The following ZNF695 variants were observed in gnomAD, a reference collection of about 807,000 sequenced individuals.
ZNF695 encodes zinc finger protein 695.
In ZNF695, 11 loss-of-function variants were observed where a neutral mutation model predicts 11.2. The observed-to-expected ratio is 0.98, with a 90% CI of 0.62 to 1.62. The LOEUF (loss-of-function observed/expected upper bound fraction) is 1.62, where lower values mean the gene tolerates loss of function less well. Ranked by LOEUF, ZNF695 falls within the 40% of genes most tolerant of loss-of-function variation. The pLI is 0.00. For synonymous variants in ZNF695, 190 were observed against 201.4 expected (o/e 0.94, Z 0.48); for missense variants, 559 against 590.5 (o/e 0.95, Z 0.55).
In ZNF695 at chr1:246,985,620, A is replaced by G. The variant is rs767884810; in HGVS notation, c.*1347T>C. 2.8e-4 allele frequency: 280 copies of G among 985,124 alleles called. No homozygotes were observed. The highest frequency in any genetic ancestry group is 6.2e-4 in the Admixed American group (10 of 16,246). The allele number at this position is 985,124 out of a possible 1,614,324, so 61.0% of individuals were successfully genotyped here. A position where few individuals can be genotyped will look rare whatever the true frequency, so the allele number is the denominator to read the frequency against. On this transcript the variant is annotated 3_prime_UTR_variant, in exon 4 of 4. Coordinates refer to ENST00000339986, the MANE Select transcript of ZNF695 (RefSeq NM_020394.5). ...AAGACATTAAAACAATGTCTTATTAAAACAAATTAAGTTCAAACAGTCTAA... is the reference window on the plus strand; with the variant it reads ...AAGACATTAAAACAATGTCTTATTAGAACAAATTAAGTTCAAACAGTCTAA...
intron 1 of ZNF695, among the ~76,000 whole-genome samples, chr1:247,004,931 C>T (rs1472526416): frequency 6.6e-6 from 1 of 152,120 alleles, no homozygotes; most frequent in Non-Finnish European, 1.5e-5. Context: ...CTGAAGAGCA[C>T]ACAAAATAAC....
At chr1:247,000,153 G>T in intron 1 of ZNF695, 79 bp from the exon 2 acceptor site, 1 of 1,229,260 alleles carries the variant, frequency 8.1e-7, no homozygotes, top group South Asian at 1.5e-5. Context: ...ACAGTGAAGA[G>T]AACTGGCTCT....
rs957678158 is a variant in ZNF695, at chr1:246,977,497, C to G, written c.391-9705G>C. On this transcript the variant is annotated intron_variant, in intron 4 of 5. Transcript: ENST00000487338. ...TCGAAAGCCTGACTTCGTGATCCAC[C>G]CGCCTCAGCCTCCAAAAGTGCTGGA... is the stretch of plus-strand genomic sequence containing the variant. Among the ~76,000 whole-genome samples the G allele has an allele frequency of 2.0e-5, 3 of 152,196 alleles. No homozygotes were observed. The South Asian group carries it at 6.2e-4, about 32-fold the overall frequency.
At chr1:246,982,933 G>A (rs1244915408), downstream of ZNF695, among the ~76,000 whole-genome samples, 3 of 152,146 alleles carry the variant, frequency 2.0e-5, no homozygotes, top group East Asian at 5.8e-4. Flanking sequence ...GCCGGGCACG[G>A]TGGCTCACGC....
chr1:246,954,632 G>A (rs772214675), intron 5 of ZNF695, among the ~76,000 whole-genome samples: 1 of 152,126 alleles, frequency 6.6e-6, no homozygotes, highest in Non-Finnish European at 1.5e-5. Flanking sequence ...TGTGTCTAGA[G>A]CCTTAAGTTT....
chr1:246,980,175 AT>A (rs1207237097), intron 4 of ZNF695, among the ~76,000 whole-genome samples: 1 of 106,868 alleles, frequency 9.4e-6, no homozygotes, highest in African/African-American at 4.4e-5. Flanking sequence ...TGGACTCTGT[AT>A]TTAAAAAAAA....
At chr1:246,972,531 GT>G (rs1304672639) in intron 4 of ZNF695, among the ~76,000 whole-genome samples, 1 of 152,010 alleles carries the variant, frequency 6.6e-6, no homozygotes, top group Non-Finnish European at 1.5e-5. Context: ...TGGCCTCTGA[GT>G]TTTTTTTGAG....
chr1:246,974,275 T>C (rs1349304778), intron 4 of ZNF695, among the ~76,000 whole-genome samples: 1 of 152,094 alleles, frequency 6.6e-6, no homozygotes, highest in Non-Finnish European at 1.5e-5. Context: ...TACTATCAGT[T>C]ATTCGGGAAG....
chr1:246,945,942 T>A, intron 5 of ZNF695: 4 of 1,334,190 alleles, frequency 3.0e-6, no homozygotes, highest in Non-Finnish European at 4.2e-6. Context: ...ATTGGAGAAG[T>A]CTGTCTGTCC....
intron 1 of ZNF695, among the ~76,000 whole-genome samples, chr1:247,003,843 C>T (rs1669459009): frequency 6.6e-6 from 1 of 152,334 alleles, no homozygotes; most frequent in Admixed American, 6.5e-5. Flanking sequence ...ATGTTCCACA[C>T]TGAAACACTG....
intron 4 of ZNF695, among the ~76,000 whole-genome samples, chr1:246,971,019 C>G (rs1418488209): frequency 6.6e-6 from 1 of 152,180 alleles, no homozygotes; most frequent in Non-Finnish European, 1.5e-5. Flanking sequence ...GAAGAAAAGA[C>G]AGCTGGGCCC....
intron 3 of ZNF695, among the ~76,000 whole-genome samples, chr1:246,990,856 G>C (rs1669010738): frequency 6.6e-6 from 1 of 152,118 alleles, no homozygotes; most frequent in Admixed American, 6.5e-5. Flanking sequence ...GCTCCCAAAT[G>C]ACCAGTGAAT....
At chr1:246,951,718 T>G (rs186110264) in intron 5 of ZNF695, among the ~76,000 whole-genome samples, 2 of 152,284 alleles carry the variant, frequency 1.3e-5, no homozygotes, top group East Asian at 3.9e-4. Flanking sequence ...CCAGCTTCTG[T>G]GTGGAAGATC....
At chr1:247,001,767 T>C (rs1215820656) in intron 1 of ZNF695, among the ~76,000 whole-genome samples, 1 of 141,304 alleles carries the variant, frequency 7.1e-6, no homozygotes, top group African/African-American at 2.6e-5. Flanking sequence ...TGCATAGTGA[T>C]AAAATGTTCA....
intron 1 of ZNF695, 106 bp downstream of exon 1, chr1:247,007,800 G>A (rs1669585448): frequency 2.2e-6 from 3 of 1,369,564 alleles, no homozygotes; most frequent in Non-Finnish European, 9.7e-7. Flanking sequence ...ACACTCCGGA[G>A]CCGACCGCCG....
At chr1:247,007,818 C>G (rs1420072783) in intron 1 of ZNF695, 88 bp downstream of exon 1, 2 of 1,426,910 alleles carry the variant, frequency 1.4e-6, no homozygotes, top group African/African-American at 1.5e-5. Context: ...CCGGGAGGCC[C>G]GGGGCCGCCA....
intron 5 of ZNF695, among the ~76,000 whole-genome samples, chr1:246,949,553 T>C (rs1667820717): frequency 6.7e-6 from 1 of 150,006 alleles, no homozygotes; most frequent in African/African-American, 2.5e-5. Flanking sequence ...ATCATGCTAC[T>C]GCACTCCAGC....
At chr1:246,992,645 T>C (rs1453625991) in intron 3 of ZNF695, among the ~76,000 whole-genome samples, 1 of 152,222 alleles carries the variant, frequency 6.6e-6, no homozygotes, top group Non-Finnish European at 1.5e-5. Flanking sequence ...TGTATCAAAA[T>C]ATCTTATGTA....
At chr1:246,958,181 C>A (rs1668052163) in intron 5 of ZNF695, among the ~76,000 whole-genome samples, 1 of 151,890 alleles carries the variant, frequency 6.6e-6, no homozygotes, top group Non-Finnish European at 1.5e-5. Flanking sequence ...GCCTCAGCCT[C>A]CCGAGTACCT....
Sources: allele counts gnomAD v4.1 joint callset (sites outside exome capture counted in the v4.1 genomes callset), GRCh38; gene constraint gnomAD v4.1.1; transcripts MANE v1.5; gene names NCBI Gene and HGNC (gene_info 2026-07-23, HGNC 2026-07-21).